RTN3: variants seen among roughly 807,000 people sequenced by gnomAD.
The protein encoded by RTN3 is reticulon-3.
RTN3 carries 49 observed loss-of-function variants against 77.8 expected under a neutral mutation model. The ratio of observed to expected loss-of-function variants is 0.63; its 90% confidence interval spans 0.50 to 0.80. The LOEUF is 0.80. Ranked by LOEUF, RTN3 falls within the 30% of genes least tolerant of loss-of-function variation. The probability of loss-of-function intolerance (pLI) is 0.00; values close to 1 mark genes in which losing one functional copy is unlikely to be tolerated. For missense variants in RTN3, 1,236 were observed against 1,211.9 expected (o/e 1.02, Z -0.29); for synonymous variants, 464 against 446.9 (o/e 1.04, Z -0.48).
At chr11:63,731,710 T>C (rs1238967467) in intron 3 of RTN3, among the ~76,000 whole-genome samples, 2 of 152,236 alleles carry the variant, frequency 1.3e-5, no homozygotes, top group African/African-American at 4.8e-5. Flanking sequence ...TGGAGTGCAG[T>C]GGCACAATCC....
chr11:63,758,491 G>C lies in RTN3; in HGVS notation c.*290G>C. On this transcript the variant is annotated 3_prime_UTR_variant, in exon 9 of 9. Coordinates refer to ENST00000377819, the MANE Select transcript of RTN3 (RefSeq NM_001265589.2). ...GAGCCTTTACCTGTAGCTTGAAAGGGGAAAGATTGGAGGTAAGAGAGAAAA... is the reference window on the plus strand; with the variant it reads ...GAGCCTTTACCTGTAGCTTGAAAGGCGAAAGATTGGAGGTAAGAGAGAAAA... 4.2e-6 allele frequency: 3 copies of C among 713,510 alleles called. No homozygotes were observed. The South Asian group carries it at 6.8e-5, about 16-fold the overall frequency. The allele number at this position is 713,510 out of a possible 1,614,324, so 44.2% of individuals were successfully genotyped here.
Position 63,753,283 on chromosome 11 carries a change from C to T in RTN3, c.2947+145C>T, listed in dbSNP as rs535065442. On this transcript the variant is annotated intron_variant, in intron 6 of 8. Transcript: ENST00000377819. ...CTGGGAGTAGAGGCACTGGAGGAAC[C>T]GGAGTTTGTGGTCACAGGTTTATGA... 31 of 723,896 alleles carry T rather than the reference C, an allele frequency of 4.3e-5. No homozygotes were observed. The South Asian group carries it at 5.0e-4, about 12-fold the overall frequency. 44.8% of individuals were successfully genotyped at this position (723,896 alleles called of 1,614,324 possible).
chr11:63,709,463 T>G (rs1942643499), intron 2 of RTN3, among the ~76,000 whole-genome samples: 1 of 152,050 alleles, frequency 6.6e-6, no homozygotes, highest in Non-Finnish European at 1.5e-5. Context: ...AAGCATTGCA[T>G]TAATGAATGC....
chr11:63,721,692 CTTACTTAT>C (rs951223807), intron 3 of RTN3, among the ~76,000 whole-genome samples: 5 of 151,610 alleles, frequency 3.3e-5, no homozygotes, highest in Non-Finnish European at 5.9e-5. Context: ...TCATCAGGTT[CTTACTTAT>C]TTACAAAGCT....
intron 2 of RTN3, among the ~76,000 whole-genome samples, chr11:63,711,386 T>A (rs967549884): frequency 1.3e-5 from 2 of 150,518 alleles, no homozygotes; most frequent in Non-Finnish European, 3.0e-5. Context: ...GGTTTTTTAT[T>A]TTTTTTTTGT....
chr11:63,696,108 A>C (rs951979775), intron 1 of RTN3, among the ~76,000 whole-genome samples: 3 of 151,048 alleles, frequency 2.0e-5, no homozygotes, highest in Admixed American at 2.0e-4. Context: ...AAAAAAAAAA[A>C]CCTATTTTAA....
chr11:63,733,656 G>A (rs1002644016), intron 3 of RTN3, among the ~76,000 whole-genome samples: 1 of 151,848 alleles, frequency 6.6e-6, no homozygotes, highest in African/African-American at 2.4e-5. Context: ...ACTTGCTTGA[G>A]CCTAGGAGTT....
intron 1 of RTN3, among the ~76,000 whole-genome samples, chr11:63,684,181 C>T (rs1200803212): frequency 8.2e-6 from 1 of 121,916 alleles, no homozygotes; most frequent in Admixed American, 1.0e-4. Context: ...CGGAGTCTCG[C>T]TTTGTCGCCC....
rs889663703 is a variant in RTN3 at position 63,720,395 on chromosome 11, A to T, written c.1893A>T (p.Thr631=). ...NETEFSLNVT[T]SAYLESLHGK... ...CAGAATTCTCATTAAATGTGACAAC[A>T]TCTGCCTATTTGGAGTCATTACATG... is the stretch of plus-strand genomic sequence containing the variant. The change falls in exon 3 of 9, where the codon ACA becomes ACT. Residue 631 remains threonine, a synonymous_variant. Transcript: ENST00000377819. The T allele has an allele frequency of 2.5e-6, 4 of 1,614,014 alleles. No homozygotes were observed. The African/African-American group carries it at 4.0e-5, about 16-fold the overall frequency.
chr11:63,738,581 A>C (rs1300501046), intron 3 of RTN3, among the ~76,000 whole-genome samples: 1 of 151,438 alleles, frequency 6.6e-6, no homozygotes, highest in African/African-American at 2.4e-5. Flanking sequence ...AGTCGAGGCT[A>C]CAGTGAGCTG....
rs777005394 is a variant in RTN3, at chr11:63,718,865, C to T, written c.363C>T (p.His121=). The stretch of plus-strand genomic sequence containing the variant: ...TTTTAGCCAAAGAAGGAAAAGACCA[C>T]TTGGATCTTCTAGATATGAAAAAGA... ...QPILAKEGKD[H]LDLLDMKKME... The change falls in exon 3 of 9, where the codon CAC becomes CAT. Residue 121 remains histidine (H), a synonymous_variant. Coordinates refer to ENST00000377819, the MANE Select transcript of RTN3 (RefSeq NM_001265589.2). 1 of 1,614,024 alleles carries T rather than the reference C, an allele frequency of 6.2e-7. No individual in the cohort carries two copies. The highest frequency in any genetic ancestry group is 1.1e-5 in the South Asian group (1 of 91,064).
At chr11:63,714,696 A>G (rs1303342720) in intron 2 of RTN3, among the ~76,000 whole-genome samples, 1 of 151,458 alleles carries the variant, frequency 6.6e-6, no homozygotes, top group African/African-American at 2.4e-5. Flanking sequence ...TATTTTTTGT[A>G]GGGGCAGGAT....
intron 3 of RTN3, among the ~76,000 whole-genome samples, chr11:63,729,079 CAACAAAAAAAACAAAAA>C: frequency 6.6e-6 from 1 of 150,556 alleles, no homozygotes; most frequent in Middle Eastern, 3.4e-3. Context: ...AGGAAAAAAA[CAACAAAAAAAACAAAAA>C]AACTGCAAGA....
chr11:63,722,103 C>G (rs1356470574), intron 3 of RTN3, among the ~76,000 whole-genome samples: 1 of 151,482 alleles, frequency 6.6e-6, no homozygotes, highest in Non-Finnish European at 1.5e-5. Context: ...TTGGAAAGTA[C>G]AAGAAAAAAA....
intron 7 of RTN3, 109 bp from the exon 8 acceptor site, chr11:63,756,003 C>T (rs2014363744): frequency 2.7e-6 from 2 of 729,380 alleles, no homozygotes; most frequent in South Asian, 3.3e-5. Flanking sequence ...ATTTTCTACA[C>T]TGGTCAGTCG....
chr11:63,718,809 G>GA lies in RTN3; in HGVS notation c.313dup (p.Ser105LysfsTer50), dbSNP rs1325714702. On this transcript the variant is annotated frameshift_variant, in exon 3 of 9. Coordinates refer to ENST00000377819, the MANE Select transcript of RTN3 (RefSeq NM_001265589.2). LOFTEE classifies it high-confidence loss of function. ...CACTGGCCTTACAATACTACATGGAGAAAAAAGCCATGTGTTAGGGAGCCA... is the reference window on the plus strand; with the variant it reads ...CACTGGCCTTACAATACTACATGGAGAAAAAAAGCCATGTGTTAGGGAGCCA... 1 of 1,613,916 alleles carries GA rather than the reference G, an allele frequency of 6.2e-7. No homozygotes were observed. Among genetic ancestry groups the GA allele is most frequent in the South Asian group, 1.1e-5 (1 of 91,056 alleles).
At chr11:63,738,624 C>T (rs1335118519) in intron 3 of RTN3, among the ~76,000 whole-genome samples, 35 of 119,676 alleles carry the variant, frequency 2.9e-4, no homozygotes, top group African/African-American at 8.3e-4. Context: ...AGAGTGAGAC[C>T]CTGTCTTTAA....
chr11:63,744,528 C>T (rs888693842), intron 3 of RTN3, among the ~76,000 whole-genome samples: 3 of 152,000 alleles, frequency 2.0e-5, no homozygotes, highest in African/African-American at 7.3e-5. Flanking sequence ...CAGTGTGGTA[C>T]AGTGCTTAGT....
In RTN3 at chr11:63,756,101, C is replaced by A; in HGVS notation, c.2995-11C>A. 1 of 1,607,070 alleles carries A rather than the reference C, an allele frequency of 6.2e-7. No individual in the cohort carries two copies. The highest frequency in any genetic ancestry group is 2.2e-5 in the East Asian group (1 of 44,840). On this transcript the variant is annotated splice_polypyrimidine_tract_variant and intron_variant, in intron 7 of 8. Transcript: ENST00000377819. ...TGTTACCACAACTGAATTTATTTTC[C>A]TTCCTTAAAGACCCAGATTGATCAC...
Sources: gnomAD v4.1 joint callset for allele counts (sites outside exome capture counted in the v4.1 genomes callset) on GRCh38, gnomAD v4.1.1 for gene constraint, MANE v1.5 for transcripts, NCBI Gene and HGNC (gene_info 2026-07-23, HGNC 2026-07-21) for gene names.